ARL6IP5: variants seen among roughly 807,000 people sequenced by gnomAD.
ARL6IP5 encodes PRA1 family protein 3.
A neutral mutation model predicts 13.0 loss-of-function variants in ARL6IP5; 6 were observed. That is an observed-to-expected ratio of 0.46 (90% CI 0.25 to 0.91). The LOEUF is 0.91. Ranked by LOEUF, ARL6IP5 falls within the 40% of genes least tolerant of loss-of-function variation. The pLI is 0.17. For synonymous variants in ARL6IP5, 91 were observed against 91.9 expected, an observed-to-expected ratio of 0.99 and a Z score of 0.06; for missense variants, 208 against 248.8, an observed-to-expected ratio of 0.84 and a Z score of 1.10.
chr3:69,096,086 C>T (rs1165871082), intron 1 of ARL6IP5, among the ~76,000 whole-genome samples: 1 of 152,102 alleles, frequency 6.6e-6, no homozygotes, highest in East Asian at 1.9e-4. Flanking sequence ...AGTGCCAGGG[C>T]ATTGGAGTGG....
At chr3:69,094,198 G>T (rs2092279571) in intron 1 of ARL6IP5, among the ~76,000 whole-genome samples, 1 of 152,184 alleles carries the variant, frequency 6.6e-6, no homozygotes. Flanking sequence ...CCAGCTGCTA[G>T]CCCTGAGAGT....
chr3:69,087,801 T>C (rs2092253008), intron 1 of ARL6IP5, among the ~76,000 whole-genome samples: 1 of 152,240 alleles, frequency 6.6e-6, no homozygotes, highest in South Asian at 2.1e-4. Context: ...TACAGGCTAG[T>C]AGTAAAGGTT....
At position 69,105,192 on chromosome 3, in the gene ARL6IP5, C is replaced by T. The variant is rs7039; in HGVS notation, c.*556C>T. ...TGGTTAAGCCAGTTGTTCATACTTC[C>T]TTTACAAATATAAAGATAGCTGTTT... On this transcript the variant is annotated 3_prime_UTR_variant, in exon 3 of 3. Coordinates refer to ENST00000273258, the MANE Select transcript of ARL6IP5 (RefSeq NM_006407.4). The T allele has an allele frequency of 3.7e-6, 1 of 271,022 alleles. No homozygotes were observed. The highest frequency in any genetic ancestry group is 6.9e-6 in the Non-Finnish European group (1 of 144,430). 16.8% of individuals were successfully genotyped at this position (271,022 alleles called of 1,614,324 possible).
At chr3:69,092,705 A>G (rs2092272382) in intron 1 of ARL6IP5, among the ~76,000 whole-genome samples, 1 of 152,116 alleles carries the variant, frequency 6.6e-6, no homozygotes, top group African/African-American at 2.4e-5. Flanking sequence ...TTTTAAGTAG[A>G]GACGGGGTTT....
intron 1 of ARL6IP5, among the ~76,000 whole-genome samples, chr3:69,087,291 G>T (rs1361212733): frequency 3.3e-5 from 5 of 152,126 alleles, no homozygotes; most frequent in Admixed American, 2.0e-4. Context: ...GATTGCAGGC[G>T]GGGGCTACTG....
intron 1 of ARL6IP5, among the ~76,000 whole-genome samples, chr3:69,086,767 G>C (rs138703682): frequency 0.01 from 1,541 of 148,980 alleles, 11 homozygotes; most frequent in Middle Eastern, 0.046. Context: ...CTGTCGCCCA[G>C]GCTGGAGTGC....
chr3:69,085,295 G>A, intron 1 of ARL6IP5, 72 bp downstream of exon 1: 1 of 1,520,360 alleles, frequency 6.6e-7, no homozygotes, highest in South Asian at 1.2e-5. Flanking sequence ...GCAAGATCCC[G>A]GGATGTAGAG....
At chr3:69,088,503 A>G (rs1262881409) in intron 1 of ARL6IP5, among the ~76,000 whole-genome samples, 1 of 152,210 alleles carries the variant, frequency 6.6e-6, no homozygotes, top group Non-Finnish European at 1.5e-5. Context: ...CTCCTCTTCA[A>G]GATTTCAGGA....
At chr3:69,102,403 C>T (rs2092308518) in intron 2 of ARL6IP5, among the ~76,000 whole-genome samples, 1 of 152,148 alleles carries the variant, frequency 6.6e-6, no homozygotes, top group African/African-American at 2.4e-5. Context: ...ATAGCTGGGA[C>T]CACAGGTGCA....
intron 1 of ARL6IP5, among the ~76,000 whole-genome samples, chr3:69,093,532 G>A (rs1300392972): frequency 6.6e-6 from 1 of 152,088 alleles, no homozygotes; most frequent in Non-Finnish European, 1.5e-5. Flanking sequence ...GGAGGCTGAG[G>A]CAGGCAGATC....
At chr3:69,086,895 G>A (rs1038175367) in intron 1 of ARL6IP5, among the ~76,000 whole-genome samples, 1 of 151,742 alleles carries the variant, frequency 6.6e-6, no homozygotes, top group Non-Finnish European at 1.5e-5. Context: ...GCTAATTTTT[G>A]TATTTTTAGT....
chr3:69,103,638 G>A (rs561089903), intron 2 of ARL6IP5, among the ~76,000 whole-genome samples: 1 of 152,246 alleles, frequency 6.6e-6, no homozygotes, highest in East Asian at 1.9e-4. Context: ...ACCTACATCA[G>A]AATCATCTGG....
intron 2 of ARL6IP5, among the ~76,000 whole-genome samples, chr3:69,103,294 G>T (rs768135838): frequency 6.6e-6 from 1 of 152,188 alleles, no homozygotes; most frequent in Non-Finnish European, 1.5e-5. Context: ...AAATGTATCA[G>T]AGGTAGACAG....
intron 1 of ARL6IP5, among the ~76,000 whole-genome samples, chr3:69,100,406 T>C (rs2092301362): frequency 6.6e-6 from 1 of 152,186 alleles, no homozygotes; most frequent in Non-Finnish European, 1.5e-5. Context: ...GAACTCTCTA[T>C]GTGAGGAGTC....
intron 1 of ARL6IP5, among the ~76,000 whole-genome samples, chr3:69,095,962 C>G (rs1355521615): frequency 6.6e-6 from 1 of 152,184 alleles, no homozygotes; most frequent in African/African-American, 2.4e-5. Flanking sequence ...GACTAAAAAG[C>G]ATCTCAGGCA....
At chr3:69,089,976 A>G (rs2092259936) in intron 1 of ARL6IP5, 3 of 402,162 alleles carry the variant, frequency 7.5e-6, no homozygotes, top group Non-Finnish European at 1.5e-5. Context: ...GAGTTTCTAG[A>G]AGGCTGGTAA....
At chr3:69,104,002 C>T (rs1056753611) in intron 2 of ARL6IP5, among the ~76,000 whole-genome samples, 8 of 152,060 alleles carry the variant, frequency 5.3e-5, no homozygotes, top group African/African-American at 1.4e-4. Context: ...GTAAAGCCTC[C>T]GGGAGGCACT....
intron 1 of ARL6IP5, among the ~76,000 whole-genome samples, chr3:69,090,840 G>A (rs1322534718): frequency 6.6e-6 from 1 of 152,164 alleles, no homozygotes; most frequent in South Asian, 2.1e-4. Context: ...GATGGCTTAT[G>A]TGTTTCTTCT....
chr3:69,089,772 A>G (rs1575858201), intron 1 of ARL6IP5: 1 of 456,338 alleles, frequency 2.2e-6, no homozygotes, highest in Admixed American at 2.4e-5. Flanking sequence ...AGAGAGCTGC[A>G]TGTATTCTTA....
Sources: allele counts gnomAD v4.1 joint callset (sites outside exome capture counted in the v4.1 genomes callset), GRCh38; gene constraint gnomAD v4.1.1; transcripts MANE v1.5; gene names NCBI Gene and HGNC (gene_info 2026-07-23, HGNC 2026-07-21).